Variants in CDK19 observed in about 807,000 individuals in gnomAD.
CDK19 encodes the protein cyclin dependent kinase 19.
In CDK19, 20 loss-of-function variants were observed where a neutral mutation model predicts 68.3. The observed-to-expected ratio is 0.29, with a 90% CI of 0.21 to 0.43. CDK19 has a LOEUF of 0.43. CDK19 is among the 20% of genes least tolerant of loss of function. The pLI is 1.00. For synonymous variants in CDK19, 221 were observed against 222.8 expected, an observed-to-expected ratio of 0.99 and a Z score of 0.07; for missense variants, 339 against 623.5, an observed-to-expected ratio of 0.54 and a Z score of 4.86.
intron 2 of CDK19, among the ~76,000 whole-genome samples, chr6:110,719,376 A>G (rs1295992493): frequency 6.6e-6 from 1 of 152,056 alleles, no homozygotes; most frequent in African/African-American, 2.4e-5. Context: ...TTTGGTAGAG[A>G]CAGGGTCCCA....
Position 110,711,930 on chromosome 6 carries a change from G to A in CDK19, c.204+34196C>T, listed in dbSNP as rs536923190. ...GGAGGTTGTAGTGAGCAGAGGTTGC[G>A]CCACTGCACTCCAGCCTGGGTGACA... is the stretch of plus-strand genomic sequence containing the variant. On this transcript the variant is annotated intron_variant, in intron 2 of 12. Coordinates refer to ENST00000368911, the MANE Select transcript of CDK19 (RefSeq NM_015076.5). 9.4e-4 allele frequency among the ~76,000 whole-genome samples: 143 copies of A among 152,330 alleles called. 1 individual carries two copies. The highest frequency in any genetic ancestry group is 3.1e-3 in the African/African-American group (128 of 41,576).
intron 2 of CDK19, among the ~76,000 whole-genome samples, chr6:110,727,063 T>A (rs1014859315): frequency 6.6e-6 from 1 of 152,146 alleles, no homozygotes; most frequent in African/African-American, 2.4e-5. Flanking sequence ...GTTTCAATAA[T>A]ATGAACTTTT....
intron 2 of CDK19, among the ~76,000 whole-genome samples, chr6:110,718,549 T>C (rs1473616284): frequency 2.0e-5 from 3 of 151,064 alleles, no homozygotes; most frequent in Admixed American, 6.6e-5. Context: ...GAGAAAAATT[T>C]ACCTAGAAAG....
At chr6:110,616,342 T>A (rs1009428530) in intron 12 of CDK19, among the ~76,000 whole-genome samples, 3 of 152,122 alleles carry the variant, frequency 2.0e-5, no homozygotes. Context: ...TGGTCCAAGA[T>A]AACAGGGCAC....
chr6:110,787,955 TC>T (rs2115058227), intron 1 of CDK19, among the ~76,000 whole-genome samples: 1 of 151,914 alleles, frequency 6.6e-6, no homozygotes, highest in South Asian at 2.1e-4. Context: ...TTCTCCTGTC[TC>T]AGCCTCCTGA....
At chr6:110,809,777 G>C (rs1482396317) in intron 1 of CDK19, among the ~76,000 whole-genome samples, 1 of 152,166 alleles carries the variant, frequency 6.6e-6, no homozygotes, top group Non-Finnish European at 1.5e-5. Flanking sequence ...ATATAATTTT[G>C]TGTATTATGT....
Position 110,724,652 on chromosome 6 carries a change from T to C in CDK19, c.204+21474A>G, listed in dbSNP as rs190174961. ...AATAAAGGTGCACTAAAAGTAAAAA[T>C]GAAAAAGCTAAAGTTGAAAAGCTTT... On this transcript the variant is annotated intron_variant, in intron 2 of 12. Transcript: ENST00000368911. 2.6e-5 allele frequency among the ~76,000 whole-genome samples: 4 copies of C among 152,150 alleles called. No individual in the cohort carries two copies. In the East Asian group the frequency reaches 7.7e-4, roughly 29 times the overall value.
rs1401575616 is a variant in CDK19, at chr6:110,739,443, GT to G, written c.204+6682del. On this transcript the variant is annotated intron_variant, in intron 2 of 12. Coordinates refer to ENST00000368911, the MANE Select transcript of CDK19 (RefSeq NM_015076.5). ...GCCTCCAGAATTGTTAGAAATAGGT[GT>G]TTATAAGCCACCAAGTCTATGGTAT... Among the ~76,000 whole-genome samples the G allele has an allele frequency of 3.9e-5, 6 of 152,020 alleles. No homozygotes were observed. In the East Asian group the frequency reaches 1.2e-3, roughly 29 times the overall value.
intron 1 of CDK19, among the ~76,000 whole-genome samples, chr6:110,769,577 A>AAATAAT (rs768751177): frequency 3.0e-4 from 44 of 146,370 alleles, no homozygotes; most frequent in African/African-American, 1.1e-3. Flanking sequence ...AAAAAAAAAA[A>AAATAAT]AATAATAATA....
At chr6:110,785,099 C>A (rs1342559565) in intron 1 of CDK19, among the ~76,000 whole-genome samples, 1 of 147,404 alleles carries the variant, frequency 6.8e-6, no homozygotes, top group Non-Finnish European at 1.5e-5. Context: ...AAAAAAGCCC[C>A]TGGCTAGAGG....
intron 1 of CDK19, among the ~76,000 whole-genome samples, chr6:110,802,045 G>A (rs1331857256): frequency 1.3e-5 from 2 of 152,264 alleles, no homozygotes; most frequent in South Asian, 2.1e-4. Flanking sequence ...ATGTTGGCAA[G>A]GTTGAGGAGA....
At position 110,770,626 on chromosome 6, in the gene CDK19, C is replaced by T. The variant is rs575028169; in HGVS notation, c.129-24425G>A. Among the ~76,000 whole-genome samples the T allele has an allele frequency of 2.3e-4, 35 of 152,226 alleles. 1 individual carries two copies. Among genetic ancestry groups the T allele is most frequent in the African/African-American group, 8.4e-4 (35 of 41,550 alleles). On this transcript the variant is annotated intron_variant, in intron 1 of 12. Transcript: ENST00000368911. The stretch of plus-strand genomic sequence containing the variant: ...CTCCTGACCCCTCCAAATCTCATGT[C>T]CTCACATTTCAAAACCAATCATGCC...
chr6:110,801,557 G>A (rs1782347621), intron 1 of CDK19, among the ~76,000 whole-genome samples: 1 of 151,948 alleles, frequency 6.6e-6, no homozygotes, highest in Non-Finnish European at 1.5e-5. Flanking sequence ...TGTCGCCCAA[G>A]CTAGAGTGCA....
At chr6:110,788,202 C>G (rs1288341905) in intron 1 of CDK19, among the ~76,000 whole-genome samples, 1 of 151,828 alleles carries the variant, frequency 6.6e-6, no homozygotes, top group Admixed American at 6.6e-5. Flanking sequence ...GATCTGATGC[C>G]CAGGCTGGAG....
chr6:110,669,763 A>G (rs1165259427), intron 3 of CDK19, among the ~76,000 whole-genome samples: 1 of 152,260 alleles, frequency 6.6e-6, no homozygotes, highest in Non-Finnish European at 1.5e-5. Flanking sequence ...TTGAAAAGAC[A>G]GGAATTAGAA....
intron 1 of CDK19, among the ~76,000 whole-genome samples, chr6:110,811,210 T>C (rs920168562): frequency 1.3e-5 from 2 of 152,144 alleles, no homozygotes; most frequent in African/African-American, 4.8e-5. Flanking sequence ...AAAATGCAAA[T>C]ACAATAATCT....
intron 4 of CDK19, among the ~76,000 whole-genome samples, chr6:110,646,935 T>G (rs1403724522): frequency 1.3e-5 from 2 of 152,010 alleles, no homozygotes; most frequent in East Asian, 3.9e-4. Context: ...TCCAGTCTTT[T>G]GTGGAGGGAA....
At chr6:110,790,996 C>G (rs939289598) in intron 1 of CDK19, among the ~76,000 whole-genome samples, 11 of 152,050 alleles carry the variant, frequency 7.2e-5, no homozygotes, top group African/African-American at 2.4e-4. Flanking sequence ...ATGGTGTAAC[C>G]CCGTCTCTAC....
At chr6:110,706,761 T>C (rs1774540460) in intron 2 of CDK19, 2 of 174,042 alleles carry the variant, frequency 1.1e-5, no homozygotes, top group Admixed American at 5.4e-5. Context: ...CAGAGTAACA[T>C]TGTGGGACAC....
Sources: allele counts gnomAD v4.1 joint callset (sites outside exome capture counted in the v4.1 genomes callset), GRCh38; gene constraint gnomAD v4.1.1; transcripts MANE v1.5; gene names NCBI Gene and HGNC (gene_info 2026-07-23, HGNC 2026-07-21).